The following ABCC1 variants were observed in gnomAD, a reference collection of about 807,000 sequenced individuals.
ABCC1 encodes the protein ATP binding cassette subfamily C member 1 (ABCC1 blood group), also known as multidrug resistance-associated protein 1.
A neutral mutation model predicts 172.9 loss-of-function variants in ABCC1; 83 were observed. That is an observed-to-expected ratio of 0.48 (90% CI 0.40 to 0.58). ABCC1 has a LOEUF of 0.58. Among genes scored for constraint, ABCC1 ranks in the 20% least tolerant of loss-of-function variants. The pLI, the probability that ABCC1 is intolerant of heterozygous loss-of-function variation, is 0.00. For synonymous variants in ABCC1, 937 were observed against 825.2 expected (o/e 1.14, Z -2.32); for missense variants, 1,817 against 2,002.7 (o/e 0.91, Z 1.77).
intron 1 of ABCC1, among the ~76,000 whole-genome samples, chr16:15,976,610 T>C (rs540961802): frequency 2.6e-4 from 39 of 152,266 alleles, no homozygotes; most frequent in South Asian, 1.7e-3. Flanking sequence ...TGACTTTGGC[T>C]AATCTTGGAG....
chr16:15,982,070 A>AG (rs2046633582), intron 1 of ABCC1, among the ~76,000 whole-genome samples: 1 of 152,166 alleles, frequency 6.6e-6, no homozygotes, highest in Admixed American at 6.5e-5. Flanking sequence ...CATTGTCCAT[A>AG]TCACTATCAG....
chr16:16,105,132 C>T (rs2052018715), intron 20 of ABCC1, among the ~76,000 whole-genome samples: 3 of 152,334 alleles, frequency 2.0e-5, no homozygotes, highest in East Asian at 3.9e-4. Flanking sequence ...GTGCCAAGGC[C>T]GAGGAGGCAC....
At chr16:16,095,237 G>A (rs189874955) in intron 19 of ABCC1, 1 of 152,292 alleles carries the variant, frequency 6.6e-6, no homozygotes, top group East Asian at 1.9e-4. Context: ...AGCCCCTTAG[G>A]GGAACAAATT....
At chr16:16,066,857 C>T (rs764274114) in intron 12 of ABCC1, among the ~76,000 whole-genome samples, 3 of 151,210 alleles carry the variant, frequency 2.0e-5, no homozygotes, top group Non-Finnish European at 2.9e-5. Context: ...GAACTGCGAT[C>T]GCACCACTGC....
At position 16,019,184 on chromosome 16, in the gene ABCC1, A is replaced by C. The variant is rs2048110693; in HGVS notation, c.615+2563A>C. Among the ~76,000 whole-genome samples, 3 of 152,120 alleles carry C rather than the reference A, an allele frequency of 2.0e-5. No individual in the cohort carries two copies. The South Asian group carries it at 6.2e-4, about 32-fold the overall frequency. On this transcript the variant is annotated intron_variant, in intron 5 of 30. Transcript: ENST00000399410. ...CAGTGGCATGATCTCGGCCCACTGC[A>C]ACCCCGCCTCCTGGGTTCAAGCGAT...
At chr16:16,001,311 A>ACGCCATTC (rs1305115036) in intron 1 of ABCC1, among the ~76,000 whole-genome samples, 2 of 152,010 alleles carry the variant, frequency 1.3e-5, no homozygotes, top group Non-Finnish European at 2.9e-5. Context: ...TCCCGGGTGC[A>ACGCCATTC]CGCCATTCTC....
intron 7 of ABCC1, among the ~76,000 whole-genome samples, chr16:16,038,975 T>C (rs1265908824): frequency 6.6e-6 from 1 of 152,178 alleles, no homozygotes; most frequent in Non-Finnish European, 1.5e-5. Flanking sequence ...GGCCTGGCTC[T>C]TAATCCACTG....
At chr16:15,949,917 G>A in intron 1 of ABCC1, 118 bp downstream of exon 1, 1 of 905,568 alleles carries the variant, frequency 1.1e-6, no homozygotes, top group Non-Finnish European at 1.4e-6. Flanking sequence ...CGGCCTCGGG[G>A]GCCCGGGACC....
intron 19 of ABCC1, 39 bp from the exon 20 acceptor site, chr16:16,102,588 A>C: frequency 6.5e-7 from 1 of 1,548,048 alleles, no homozygotes; most frequent in Non-Finnish European, 8.7e-7. Flanking sequence ...CATCTGCCTC[A>C]TATAACCCCA....
Position 16,111,594 on chromosome 16 carries a change from T to C in ABCC1, c.3079+12T>C, listed in dbSNP as rs2052392783. 6.2e-7 allele frequency: 1 copy of C among 1,607,948 alleles called. No individual in the cohort carries two copies. Among genetic ancestry groups the C allele is most frequent in the African/African-American group, 1.3e-5 (1 of 74,934 alleles). On this transcript the variant is annotated intron_variant, in intron 22 of 30. Coordinates refer to ENST00000399410, the MANE Select transcript of ABCC1 (RefSeq NM_004996.4). ...GGGCATTTCACAAGGTTGGTGCCGC[T>C]GTCTCCCACCCCGCCTGATTTGGGC...
At chr16:16,071,854 C>T (rs865806678) in intron 14 of ABCC1, 125 bp downstream of exon 14, 96 of 845,070 alleles carry the variant, frequency 1.1e-4, no homozygotes, top group Middle Eastern at 6.6e-4. Flanking sequence ...CGCTTGTCTG[C>T]GAGACCCCGG....
At chr16:15,976,869 T>A (rs2046506865) in intron 1 of ABCC1, among the ~76,000 whole-genome samples, 1 of 152,196 alleles carries the variant, frequency 6.6e-6, no homozygotes, top group South Asian at 2.1e-4. Context: ...ATTGGGTGGC[T>A]TCCCCCAGGC....
At chr16:16,137,907 T>C (rs550058938) in intron 29 of ABCC1, among the ~76,000 whole-genome samples, 1 of 151,918 alleles carries the variant, frequency 6.6e-6, no homozygotes, top group South Asian at 2.1e-4. Flanking sequence ...CTCTGTTGCC[T>C]AGGCTGGAGT....
rs994404405 is a variant in ABCC1, at chr16:15,976,003, C to T, written c.48+26204C>T. On this transcript the variant is annotated intron_variant, in intron 1 of 30. Coordinates refer to ENST00000399410, the MANE Select transcript of ABCC1 (RefSeq NM_004996.4). ...AACAGAGGCCAGACGCGGTGGCTTACGCCTGTTATCCCAGCACTTTGGGAG... is the reference window on the plus strand; with the variant it reads ...AACAGAGGCCAGACGCGGTGGCTTATGCCTGTTATCCCAGCACTTTGGGAG... Among the ~76,000 whole-genome samples the T allele has an allele frequency of 4.6e-5, 7 of 152,124 alleles. No individual in the cohort carries two copies. In the East Asian group the frequency reaches 5.9e-4, roughly 13 times the overall value.
intron 12 of ABCC1, among the ~76,000 whole-genome samples, chr16:16,065,526 G>A (rs1596450717): frequency 1.3e-5 from 2 of 152,186 alleles, no homozygotes; most frequent in Middle Eastern, 3.4e-3. Context: ...TCCACCTCCC[G>A]GGTTAAAGTG....
intron 5 of ABCC1, among the ~76,000 whole-genome samples, chr16:16,020,769 G>A (rs906966817): frequency 2.6e-5 from 4 of 152,174 alleles, no homozygotes; most frequent in Non-Finnish European, 2.9e-5. Context: ...TTAGATGCTT[G>A]CGGTGTACTG....
intron 28 of ABCC1, 28 bp downstream of exon 28, chr16:16,134,536 G>A: frequency 6.2e-7 from 1 of 1,612,156 alleles, no homozygotes; most frequent in Non-Finnish European, 8.5e-7. Context: ...CCCAGGGGGT[G>A]AGCCAGAGCT....
intron 17 of ABCC1, among the ~76,000 whole-genome samples, chr16:16,086,522 A>T (rs897623348): frequency 6.6e-6 from 1 of 152,134 alleles, no homozygotes; most frequent in African/African-American, 2.4e-5. Context: ...TGGCCCAGCC[A>T]TAGCTCGTTG....
intron 1 of ABCC1, among the ~76,000 whole-genome samples, chr16:16,007,215 TGTG>T (rs990989876): frequency 1.2e-3 from 39 of 32,300 alleles, no homozygotes; most frequent in African/African-American, 2.8e-3. Context: ...TATGCACTGT[TGTG>T]TGTGTGTGTG....
Sources: gnomAD v4.1 joint callset for allele counts (sites outside exome capture counted in the v4.1 genomes callset) on GRCh38, gnomAD v4.1.1 for gene constraint, MANE v1.5 for transcripts, NCBI Gene and HGNC (gene_info 2026-07-23, HGNC 2026-07-21) for gene names.